The following TSC22D2 variants were observed in gnomAD, a reference collection of about 807,000 sequenced individuals.
TSC22D2 encodes the protein TSC22 domain family protein 2.
In TSC22D2, 5 loss-of-function variants were observed where a neutral mutation model predicts 50.1. The observed-to-expected ratio is 0.10, with a 90% CI of 0.05 to 0.21. The LOEUF (loss-of-function observed/expected upper bound fraction) is 0.21, where lower values mean the gene tolerates loss of function less well. Among genes scored for constraint, TSC22D2 ranks in the 10% least tolerant of loss-of-function variants. The probability of loss-of-function intolerance (pLI) is 1.00; values close to 1 mark genes in which losing one functional copy is unlikely to be tolerated. For synonymous variants in TSC22D2, 501 were observed against 450.1 expected (o/e 1.11, Z -1.43); for missense variants, 1,003 against 1,015.5 (o/e 0.99, Z 0.17).
intron 1 of TSC22D2, among the ~76,000 whole-genome samples, chr3:150,453,647 C>G (rs1446178214): frequency 6.6e-6 from 1 of 152,144 alleles, no homozygotes; most frequent in African/African-American, 2.4e-5. Flanking sequence ...TGACAAGTTT[C>G]CAGGTGATGC....
intron 1 of TSC22D2, chr3:150,423,121 G>A (rs910637478): frequency 2.3e-5 from 37 of 1,609,938 alleles, no homozygotes; most frequent in Non-Finnish European, 3.0e-5. Flanking sequence ...TCTGGGATAG[G>A]TATGAATACT....
intron 1 of TSC22D2, among the ~76,000 whole-genome samples, chr3:150,431,086 G>C (rs529864669): frequency 3.3e-5 from 5 of 151,586 alleles, no homozygotes; most frequent in African/African-American, 4.8e-5. Flanking sequence ...TTAGCCAGGC[G>C]TGGTGGCAGG....
intron 1 of TSC22D2, among the ~76,000 whole-genome samples, chr3:150,427,241 A>G (rs1352319082): frequency 6.6e-6 from 1 of 152,178 alleles, no homozygotes. Flanking sequence ...TGCACCATTC[A>G]TAAATGTATA....
intron 1 of TSC22D2, among the ~76,000 whole-genome samples, chr3:150,436,792 T>A (rs909555177): frequency 5.9e-5 from 9 of 152,176 alleles, no homozygotes; most frequent in African/African-American, 2.2e-4. Flanking sequence ...TTGGAAAAAT[T>A]CTAATAGTTT....
At chr3:150,416,941 C>T (rs1473067793) in intron 1 of TSC22D2, among the ~76,000 whole-genome samples, 1 of 152,018 alleles carries the variant, frequency 6.6e-6, no homozygotes, top group Non-Finnish European at 1.5e-5. Context: ...CCTTTGTACC[C>T]AAGCTAATTT....
chr3:150,464,774 C>T lies in TSC22D2; in HGVS notation c.*6138C>T, dbSNP rs868756394. The T allele has an allele frequency of 2.0e-5, 3 of 152,092 alleles. No individual in the cohort carries two copies. The highest frequency in any genetic ancestry group is 2.9e-5 in the Non-Finnish European group (2 of 68,006). 9.4% of individuals were successfully genotyped at this position (152,092 alleles called of 1,614,324 possible). A position where few individuals can be genotyped will look rare whatever the true frequency, so the allele number is the denominator to read the frequency against. ...GGGGAAAAGCCTTCCACCTCGACAT[C>T]GAGCCTATGAAGTATTCCCTAAAAA... On this transcript the variant is annotated 3_prime_UTR_variant, in exon 3 of 3. Transcript: ENST00000688009.
intron 1 of TSC22D2, chr3:150,423,166 A>G: frequency 7.0e-7 from 1 of 1,433,028 alleles, no homozygotes; most frequent in East Asian, 2.3e-5. Context: ...AACTGTATGC[A>G]TGAATTGCTT....
chr3:150,448,059 G>C (rs1052940418), intron 1 of TSC22D2, among the ~76,000 whole-genome samples: 3 of 152,110 alleles, frequency 2.0e-5, no homozygotes, highest in Non-Finnish European at 2.9e-5. Context: ...CAAGGAAAAT[G>C]CCACCCTCCT....
intron 1 of TSC22D2, among the ~76,000 whole-genome samples, chr3:150,438,644 A>G (rs1231032423): frequency 1.3e-5 from 2 of 152,148 alleles, no homozygotes; most frequent in East Asian, 3.8e-4. Context: ...AGATGCCTAC[A>G]ATATAGTGAA....
At position 150,461,883 on chromosome 3, in the gene TSC22D2, A is replaced by G. The variant is rs943353337; in HGVS notation, c.*3247A>G. 3 of 151,920 alleles carry G rather than the reference A, an allele frequency of 2.0e-5. No homozygotes were observed. Among genetic ancestry groups the G allele is most frequent in the Non-Finnish European group, 4.4e-5 (3 of 68,000 alleles). 9.4% of individuals were successfully genotyped at this position (151,920 alleles called of 1,614,324 possible). A position where few individuals can be genotyped will look rare whatever the true frequency, so the allele number is the denominator to read the frequency against. On this transcript the variant is annotated 3_prime_UTR_variant, in exon 3 of 3. Transcript: ENST00000688009. ...AAAAAAAAGTCTTAATAGAACCAGA[A>G]TATCTCTGTTCTTGAAAATTTATCT... is the stretch of plus-strand genomic sequence containing the variant.
At chr3:150,457,708 T>A (rs1286517135) in intron 2 of TSC22D2, among the ~76,000 whole-genome samples, 1 of 152,176 alleles carries the variant, frequency 6.6e-6, no homozygotes, top group African/African-American at 2.4e-5. Flanking sequence ...TGATTTTGGG[T>A]CACTGCAACC....
chr3:150,421,792 T>C (rs1720019379), intron 1 of TSC22D2, among the ~76,000 whole-genome samples: 1 of 152,200 alleles, frequency 6.6e-6, no homozygotes. Flanking sequence ...AATAATGCTA[T>C]TGATGATTCA....
At chr3:150,437,423 A>C (rs887874482) in intron 1 of TSC22D2, among the ~76,000 whole-genome samples, 1 of 152,154 alleles carries the variant, frequency 6.6e-6, no homozygotes, top group Non-Finnish European at 1.5e-5. Flanking sequence ...GAGACAGATG[A>C]AGATTTAGAT....
At chr3:150,420,771 A>T (rs1015310359) in intron 1 of TSC22D2, among the ~76,000 whole-genome samples, 2 of 152,212 alleles carry the variant, frequency 1.3e-5, no homozygotes, top group African/African-American at 4.8e-5. Context: ...GTATTTCCAA[A>T]GTCAGAGGAT....
intron 1 of TSC22D2, among the ~76,000 whole-genome samples, chr3:150,419,662 T>G (rs1401896171): frequency 6.6e-6 from 1 of 152,170 alleles, no homozygotes. Context: ...CCTACAAAGA[T>G]AGTGTCTTGC....
At chr3:150,443,253 A>G (rs1720777004) in intron 1 of TSC22D2, among the ~76,000 whole-genome samples, 1 of 152,224 alleles carries the variant, frequency 6.6e-6, no homozygotes, top group South Asian at 2.1e-4. Context: ...AATGTGAAGC[A>G]GAAAAATCAG....
At chr3:150,413,610 G>A (rs1279300351) in intron 1 of TSC22D2, among the ~76,000 whole-genome samples, 25 of 149,500 alleles carry the variant, frequency 1.7e-4, no homozygotes, top group Middle Eastern at 3.5e-3. Flanking sequence ...AAAAAGAACA[G>A]GGTATTTTAA....
chr3:150,444,427 T>G (rs992605223), intron 1 of TSC22D2, among the ~76,000 whole-genome samples: 17 of 152,308 alleles, frequency 1.1e-4, no homozygotes, highest in African/African-American at 4.1e-4. Context: ...ATGGACAGTT[T>G]CTGCTTTTAA....
In TSC22D2 at chr3:150,410,900, G is replaced by A. The variant is rs368038846; in HGVS notation, c.1550G>A (p.Ser517Asn). The change falls in exon 1 of 3, where the codon AGC becomes AAC. Residue 517 changes from serine (S) to asparagine (N), a missense_variant. Physicochemically the swap from Ser to Asn is conservative, Grantham distance 46. Transcript: ENST00000688009. ...PNVPAAVPAP[S>N]VPSVSTTSVT... Reference sequence around the variant, plus strand: ...GTGCCTGCAGCCGTGCCCGCTCCAAGCGTGCCTAGTGTGTCTACCACTTCT... The same window carrying A: ...GTGCCTGCAGCCGTGCCCGCTCCAAACGTGCCTAGTGTGTCTACCACTTCT... The A allele has an allele frequency of 1.1e-5, 17 of 1,614,082 alleles. No individual in the cohort carries two copies. The African/African-American group carries it at 1.3e-4, about 13-fold the overall frequency.
Sources: allele counts gnomAD v4.1 joint callset (sites outside exome capture counted in the v4.1 genomes callset), GRCh38; gene constraint gnomAD v4.1.1; transcripts MANE v1.5; gene names NCBI Gene and HGNC (gene_info 2026-07-23, HGNC 2026-07-21).